The following FGF3 variants were observed in gnomAD, a reference collection of about 807,000 sequenced individuals.
FGF3 encodes fibroblast growth factor 3, also known as FGF-3.
Under a neutral mutation model 9.8 loss-of-function variants are expected in FGF3, and 7 were observed. The observed-to-expected ratio is 0.72, with a 90% confidence interval of 0.41 to 1.35. The LOEUF (loss-of-function observed/expected upper bound fraction) is 1.35, where lower values mean the gene tolerates loss of function less well. Ranked by LOEUF, FGF3 falls within the 40% of genes most tolerant of loss-of-function variation. FGF3 has a pLI of 0.01. For missense variants in FGF3, 390 were observed against 345.6 expected (o/e 1.13, Z -1.02); for synonymous variants, 173 against 157.2 (o/e 1.10, Z -0.75).
intron 1 of FGF3, among the ~76,000 whole-genome samples, chr11:69,817,878 G>A (rs1197076068): frequency 6.6e-6 from 1 of 152,210 alleles, no homozygotes; most frequent in African/African-American, 2.4e-5. Flanking sequence ...GTGACCAGAG[G>A]AGCCCAACCG....
At chr11:69,811,934 G>C (rs1303948713) in intron 2 of FGF3, among the ~76,000 whole-genome samples, 1 of 152,190 alleles carries the variant, frequency 6.6e-6, no homozygotes, top group Non-Finnish European at 1.5e-5. Flanking sequence ...CTTGGCCGTG[G>C]GAGTTTCCCT....
intron 2 of FGF3, 92 bp from the exon 3 acceptor site, chr11:69,810,792 AG>A (rs1856018181): frequency 8.0e-7 from 1 of 1,250,272 alleles, no homozygotes; most frequent in African/African-American, 1.5e-5. Context: ...CCCTCCTGTG[AG>A]GCTGTTCGGT....
chr11:69,812,415 T>A (rs1471532006), intron 2 of FGF3, among the ~76,000 whole-genome samples: 1 of 151,960 alleles, frequency 6.6e-6, no homozygotes, highest in Non-Finnish European at 1.5e-5. Context: ...GGGCTGCCTC[T>A]CCCCATAACC....
chr11:69,817,147 T>TGG (rs1554981179), intron 1 of FGF3, among the ~76,000 whole-genome samples: 3 of 150,292 alleles, frequency 2.0e-5, no homozygotes, highest in African/African-American at 7.4e-5. Context: ...AGTGCTGTGG[T>TGG]GGGGGCTGGG....
chr11:69,816,553 G>C, intron 1 of FGF3, 130 bp from the exon 2 acceptor site: 2 of 693,070 alleles, frequency 2.9e-6, no homozygotes, highest in South Asian at 3.1e-5. Context: ...CACAGGTCGG[G>C]GAGTGAGTGG....
At chr11:69,815,314 G>A (rs928037438) in intron 2 of FGF3, among the ~76,000 whole-genome samples, 1 of 150,928 alleles carries the variant, frequency 6.6e-6, no homozygotes, top group Non-Finnish European at 1.5e-5. Flanking sequence ...GGATGGATGG[G>A]TGGATGGGTG....
At chr11:69,812,794 G>T (rs1856050269) in intron 2 of FGF3, among the ~76,000 whole-genome samples, 1 of 152,196 alleles carries the variant, frequency 6.6e-6, no homozygotes, top group Non-Finnish European at 1.5e-5. Flanking sequence ...GGCCAGAGAG[G>T]CCAGGAAATA....
intron 2 of FGF3, among the ~76,000 whole-genome samples, chr11:69,813,737 T>A (rs1856069802): frequency 1.4e-5 from 2 of 138,134 alleles, no homozygotes; most frequent in African/African-American, 5.5e-5. Context: ...GATGGATGGG[T>A]GGATGGCTGG....
In FGF3 at chr11:69,810,621, C is replaced by G; in HGVS notation, c.404G>C (p.Arg135Pro). The G allele has an allele frequency of 1.2e-6, 2 of 1,606,152 alleles. No homozygotes were observed. Among genetic ancestry groups the G allele is most frequent in the Non-Finnish European group, 1.7e-6 (2 of 1,174,958 alleles). ...GGCCCCAGGCGTACTAGACACCGTC[C>G]GGTACAGCCGGGAGGCATACGTATT... ...GYNTYASRLY[R>P]TVSSTPGARR... The change falls in exon 3 of 3, where the codon CGG becomes CCG. Residue 135 changes from arginine to proline, a missense_variant. By Grantham distance (103) the Arg-to-Pro change is moderately radical. Coordinates refer to ENST00000334134, the MANE Select transcript of FGF3 (RefSeq NM_005247.4).
intron 2 of FGF3, among the ~76,000 whole-genome samples, chr11:69,814,239 C>T (rs1301405981): frequency 3.9e-5 from 6 of 151,908 alleles, no homozygotes; most frequent in African/African-American, 9.7e-5. Flanking sequence ...CCTTTTAAGG[C>T]GTGCTCTCAG....
chr11:69,816,270 G>C, intron 2 of FGF3, 50 bp downstream of exon 2: 1 of 1,402,258 alleles, frequency 7.1e-7, no homozygotes. Context: ...TGATGTGCAG[G>C]CCAGACCGCT....
intron 2 of FGF3, among the ~76,000 whole-genome samples, chr11:69,813,654 GGATGGA>G (rs1565114856): frequency 7.2e-6 from 1 of 139,148 alleles, no homozygotes; most frequent in Non-Finnish European, 1.6e-5. Context: ...ATGGGTGGAT[GGATGGA>G]TGGGTGGATG....
rs1856192030 is a variant in FGF3, at chr11:69,818,937, G to A, written c.-4C>T. The A allele has an allele frequency of 1.4e-6, 2 of 1,463,586 alleles. No individual in the cohort carries two copies. Among genetic ancestry groups the A allele is most frequent in the Admixed American group, 2.4e-5 (1 of 41,988 alleles). The allele number at this position is 1,463,586 out of a possible 1,614,324, so 90.7% of individuals were successfully genotyped here. On this transcript the variant is annotated 5_prime_UTR_variant, in exon 1 of 3. Coordinates refer to ENST00000334134, the MANE Select transcript of FGF3 (RefSeq NM_005247.4). ...GTAGCAGCCAGATTAGGCCCATCGT[G>A]GCATCGCGCCCGCCCCGCGGCGGCG... is the stretch of plus-strand genomic sequence containing the variant.
chr11:69,815,967 T>A (rs1035268228), intron 2 of FGF3, among the ~76,000 whole-genome samples: 14 of 152,176 alleles, frequency 9.2e-5, no homozygotes, highest in African/African-American at 3.1e-4. Context: ...TCCCAGGTTG[T>A]CTTGGGTCCA....
chr11:69,816,441 T>C lies in FGF3; in HGVS notation c.221-18A>G. 6.3e-7 allele frequency: 1 copy of C among 1,596,290 alleles called. No individual in the cohort carries two copies. The highest frequency in any genetic ancestry group is 1.7e-4 in the Middle Eastern group (1 of 6,026). On this transcript the variant is annotated intron_variant, in intron 1 of 2. Transcript: ENST00000334134. Reference sequence around the variant, plus strand: ...CAAAATACCTAGAAGAAATGAGAGGTGCCTCACTCCCGCCGCCCCCACGGA... The same window carrying C: ...CAAAATACCTAGAAGAAATGAGAGGCGCCTCACTCCCGCCGCCCCCACGGA...
chr11:69,819,015 C>A lies in FGF3; in HGVS notation c.-82G>T, dbSNP rs1856194458. On this transcript the variant is annotated 5_prime_UTR_variant, in exon 1 of 3. Coordinates refer to ENST00000334134, the MANE Select transcript of FGF3 (RefSeq NM_005247.4). ...GGAAGGGGCGGCAGCCGGACAGCTG[C>A]GAGGTGCTCGGAGCGGGATCCCGCG... 1 of 924,282 alleles carries A rather than the reference C, an allele frequency of 1.1e-6. No individual in the cohort carries two copies. The highest frequency in any genetic ancestry group is 1.5e-6 in the Non-Finnish European group (1 of 660,132). The allele number at this position is 924,282 out of a possible 1,614,324, so 57.3% of individuals were successfully genotyped here.
rs1377860574 is a variant in FGF3, at chr11:69,818,705, G to C, written c.220+9C>G. On this transcript the variant is annotated intron_variant, in intron 1 of 2. Coordinates refer to ENST00000334134, the MANE Select transcript of FGF3 (RefSeq NM_005247.4). ...CTTCCCCCGGGGCCCCGCAGCGTCC[G>C]GCACTCACTGTAGGCGCTGTTCTCC... The C allele has an allele frequency of 2.0e-6, 3 of 1,475,576 alleles. No homozygotes were observed. The highest frequency in any genetic ancestry group is 2.7e-6 in the Non-Finnish European group (3 of 1,119,222). 91.4% of individuals were successfully genotyped at this position (1,475,576 alleles called of 1,614,324 possible). A position where few individuals can be genotyped will look rare whatever the true frequency, so the allele number is the denominator to read the frequency against.
At chr11:69,815,142 GATGGGTGGATGGGTGGATGGGTAA>G (rs1183253734) in intron 2 of FGF3, among the ~76,000 whole-genome samples, 628 of 151,692 alleles carry the variant, frequency 4.1e-3, no homozygotes, top group African/African-American at 0.015. Flanking sequence ...TGGATAGGTG[GATGGGTGGATGGGTGGATGGGTAA>G]ATGGGTGGAT....
At position 69,817,887 on chromosome 11, in the gene FGF3, C is replaced by T. The variant is rs191137363; in HGVS notation, c.220+827G>A. ...GTCCCTGTGACCAGAGGAGCCCAAC[C>T]GTGTAGTCCGGCAGACTCCCGCGGT... On this transcript the variant is annotated intron_variant, in intron 1 of 2. Coordinates refer to ENST00000334134, the MANE Select transcript of FGF3 (RefSeq NM_005247.4). 4.3e-3 allele frequency among the ~76,000 whole-genome samples: 649 copies of T among 152,342 alleles called. 4 individuals are homozygous for T. Among genetic ancestry groups the T allele is most frequent in the African/African-American group, 0.015 (604 of 41,582 alleles).
Sources: allele counts gnomAD v4.1 joint callset (sites outside exome capture counted in the v4.1 genomes callset), GRCh38; gene constraint gnomAD v4.1.1; transcripts MANE v1.5; gene names NCBI Gene and HGNC (gene_info 2026-07-23, HGNC 2026-07-21).